Variants in SEPTIN9 observed in about 807,000 individuals in gnomAD.
SEPTIN9 encodes the protein septin 9.
SEPTIN9 carries 13 observed loss-of-function variants against 56.6 expected under a neutral mutation model. That is an observed-to-expected ratio of 0.23 (90% CI 0.15 to 0.37). The LOEUF (loss-of-function observed/expected upper bound fraction) is 0.37. Among genes scored for constraint, SEPTIN9 ranks in the 10% least tolerant of loss-of-function variants. SEPTIN9 has a pLI of 1.00. For missense variants in SEPTIN9, 650 were observed against 823.1 expected (o/e 0.79, Z 2.57); for synonymous variants, 332 against 334.1 (o/e 0.99, Z 0.07).
chr17:77,500,038 A>G lies in SEPTIN9; in HGVS notation c.*1380A>G, dbSNP rs535931606. On this transcript the variant is annotated 3_prime_UTR_variant, in exon 12 of 12. Coordinates refer to ENST00000427177, the MANE Select transcript of SEPTIN9 (RefSeq NM_001113491.2). ...CCAAAGTCCCTTCCTGCTTCCTGTT[A>G]CCTGTCTTGCTCCTGGGGAGAAAGA... 22 of 234,988 alleles carry G rather than the reference A, an allele frequency of 9.4e-5. 1 individual carries two copies. The East Asian group carries it at 1.3e-3, about 14-fold the overall frequency. The allele number at this position is 234,988 out of a possible 1,614,324, so 14.6% of individuals were successfully genotyped here.
chr17:77,337,470 T>G (rs2033592940), intron 2 of SEPTIN9, among the ~76,000 whole-genome samples: 1 of 152,222 alleles, frequency 6.6e-6, no homozygotes, highest in African/African-American at 2.4e-5. Flanking sequence ...CTTTGTTTGT[T>G]AGTTTGTTTC....
chr17:77,470,954 G>C (rs1024227591), intron 3 of SEPTIN9: 1 of 152,284 alleles, frequency 6.6e-6, no homozygotes, highest in African/African-American at 2.4e-5. Flanking sequence ...AAGGCACTGT[G>C]GGTTCCCAAG....
intron 2 of SEPTIN9, among the ~76,000 whole-genome samples, chr17:77,385,408 A>G (rs947464538): frequency 5.3e-5 from 8 of 151,112 alleles, no homozygotes; most frequent in African/African-American, 1.5e-4. Flanking sequence ...TAGTAGAGAC[A>G]GGGTTTCACC....
chr17:77,412,535 G>A (rs964252351), intron 3 of SEPTIN9, among the ~76,000 whole-genome samples: 23 of 152,062 alleles, frequency 1.5e-4, no homozygotes, highest in Admixed American at 1.5e-3. Flanking sequence ...TTAGGAGTTC[G>A]AGACCAGCCT....
chr17:77,441,031 G>C (rs1175768357), intron 3 of SEPTIN9, among the ~76,000 whole-genome samples: 1 of 152,188 alleles, frequency 6.6e-6, no homozygotes. Context: ...TAGGGTCCCT[G>C]TCTCTGAACA....
intron 2 of SEPTIN9, among the ~76,000 whole-genome samples, chr17:77,362,716 C>T (rs1002033300): frequency 5.3e-5 from 8 of 152,212 alleles, no homozygotes; most frequent in Non-Finnish European, 8.8e-5. Flanking sequence ...GGCTTCAACA[C>T]GTTCGTCACA....
chr17:77,410,387 C>G (rs2036249465), intron 3 of SEPTIN9, among the ~76,000 whole-genome samples: 1 of 152,136 alleles, frequency 6.6e-6, no homozygotes, highest in African/African-American at 2.4e-5. Flanking sequence ...GGGTCAAGCT[C>G]GATTCCACTC....
rs916852930 is a variant in SEPTIN9, at chr17:77,329,397, G to T, written c.76+22200G>T. Among the ~76,000 whole-genome samples, 6 of 152,230 alleles carry T rather than the reference G, an allele frequency of 3.9e-5. No individual in the cohort carries two copies. The highest frequency in any genetic ancestry group is 8.8e-5 in the Non-Finnish European group (6 of 68,028). ...GGCCGGCCCTGCCCAGCCTTGCACT[G>T]CCCTGTGCTGCCCTGGTGGCTGCCG... On this transcript the variant is annotated intron_variant, in intron 2 of 11. Transcript: ENST00000427177. This position sits in a 1 kb window ranked among gnomAD's most constrained non-coding sequence, Gnocchi z 4.3.
At chr17:77,359,367 G>A (rs1317707622) in intron 2 of SEPTIN9, among the ~76,000 whole-genome samples, 1 of 152,236 alleles carries the variant, frequency 6.6e-6, no homozygotes, top group Non-Finnish European at 1.5e-5. Flanking sequence ...GATTGGAAAA[G>A]AGCTTACCAA....
chr17:77,324,968 GCCACCACAC>G (rs1567994266), intron 2 of SEPTIN9, among the ~76,000 whole-genome samples: 1 of 151,398 alleles, frequency 6.6e-6, no homozygotes, highest in Non-Finnish European at 1.5e-5. Flanking sequence ...ACAGGCACCC[GCCACCACAC>G]CCAGCTAATT....
At chr17:77,491,844 T>G in intron 8 of SEPTIN9, among the ~76,000 whole-genome samples, 1 of 143,972 alleles carries the variant, frequency 6.9e-6, no homozygotes, top group African/African-American at 2.6e-5. Flanking sequence ...GGAGGGATGG[T>G]CTCTGCCACC....
At chr17:77,339,140 G>A (rs2033648627) in intron 2 of SEPTIN9, among the ~76,000 whole-genome samples, 1 of 152,086 alleles carries the variant, frequency 6.6e-6, no homozygotes, top group African/African-American at 2.4e-5. Flanking sequence ...CATGAGGGTT[G>A]GAATCAACTT....
chr17:77,379,518 G>A (rs898158715), intron 2 of SEPTIN9, among the ~76,000 whole-genome samples: 2 of 152,186 alleles, frequency 1.3e-5, no homozygotes, highest in Non-Finnish European at 2.9e-5. Flanking sequence ...GGAGAGAGGT[G>A]CTGTTCCCTG....
rs1419744883 is a variant in SEPTIN9 at position 77,319,605 on chromosome 17, C to T, written c.76+12408C>T. The T allele has an allele frequency of 9.4e-7, 1 of 1,061,424 alleles. No homozygotes were observed. Among genetic ancestry groups the T allele is most frequent in the African/African-American group, 1.6e-5 (1 of 60,790 alleles). The allele number at this position is 1,061,424 out of a possible 1,614,324, so 65.8% of individuals were successfully genotyped here. ...TGCTCCGGAACCTTTTCTCAGCACGCTGGCCTGGGGCACGGCCGTTCCTCC... is the reference window on the plus strand; with the variant it reads ...TGCTCCGGAACCTTTTCTCAGCACGTTGGCCTGGGGCACGGCCGTTCCTCC... On this transcript the variant is annotated intron_variant, in intron 2 of 11. Transcript: ENST00000427177. The surrounding 1 kb of genome is among the most constrained non-coding windows in gnomAD (Gnocchi z 5.3).
chr17:77,488,468 A>C, intron 6 of SEPTIN9, 147 bp downstream of exon 6: 2 of 858,418 alleles, frequency 2.3e-6, no homozygotes, highest in Non-Finnish European at 3.7e-6. Flanking sequence ...CGCACGTCTC[A>C]GGGGCCTGAA....
intron 2 of SEPTIN9, among the ~76,000 whole-genome samples, chr17:77,325,315 T>C (rs1304392865): frequency 6.6e-6 from 1 of 152,246 alleles, no homozygotes; most frequent in African/African-American, 2.4e-5. Flanking sequence ...AGTTGATTTT[T>C]GCATGTGGTG....
At chr17:77,324,643 C>G (rs971914503) in intron 2 of SEPTIN9, among the ~76,000 whole-genome samples, 1 of 152,116 alleles carries the variant, frequency 6.6e-6, no homozygotes, top group African/African-American at 2.4e-5. Flanking sequence ...TGCACATATT[C>G]TTGCAGAAAT....
intron 2 of SEPTIN9, among the ~76,000 whole-genome samples, chr17:77,392,219 G>C (rs1333207398): frequency 1.3e-5 from 2 of 152,222 alleles, no homozygotes; most frequent in Non-Finnish European, 2.9e-5. Context: ...TGATGAGCAG[G>C]AAGGACCTCC....
rs374299109 is a variant in SEPTIN9 at position 77,406,613 on chromosome 17, A to T, written c.721+3910A>T. Among the ~76,000 whole-genome samples, 210 of 150,616 alleles carry T rather than the reference A, an allele frequency of 1.4e-3. 1 individual carries two copies. Among genetic ancestry groups the T allele is most frequent in the African/African-American group, 4.9e-3 (201 of 41,050 alleles). ...CTGTATAGTCTTCAAAATTCCTTTCATGCCCCCACTAGATTCTGAGGGTAG... is the reference window on the plus strand; with the variant it reads ...CTGTATAGTCTTCAAAATTCCTTTCTTGCCCCCACTAGATTCTGAGGGTAG... On this transcript the variant is annotated intron_variant, in intron 3 of 11. Coordinates refer to ENST00000427177, the MANE Select transcript of SEPTIN9 (RefSeq NM_001113491.2).
Sources: gnomAD v4.1 joint callset for allele counts (sites outside exome capture counted in the v4.1 genomes callset) on GRCh38, gnomAD v4.1.1 for gene constraint, Gnocchi (gnomAD v3.1) non-coding constraint, MANE v1.5 for transcripts, NCBI Gene and HGNC (gene_info 2026-07-23, HGNC 2026-07-21) for gene names.